The following SLC38A6 variants were observed in gnomAD, a reference collection of about 807,000 sequenced individuals.
SLC38A6 encodes the protein solute carrier family 38 member 6, also known as N system amino acid transporter NAT-1.
In SLC38A6, 73 loss-of-function variants were observed where a neutral mutation model predicts 65.0. That is an observed-to-expected ratio of 1.12 (90% CI 0.93 to 1.37). The LOEUF is 1.37. Among genes scored for constraint, SLC38A6 ranks in the 40% most tolerant of loss-of-function variants. SLC38A6 has a pLI of 0.00. For missense variants in SLC38A6, 561 were observed against 531.1 expected (o/e 1.06, Z -0.55); for synonymous variants, 183 against 178.8 (o/e 1.02, Z -0.19).
At chr14:60,992,917 G>C (rs1224474957) in intron 3 of SLC38A6, among the ~76,000 whole-genome samples, 1 of 148,826 alleles carries the variant, frequency 6.7e-6, no homozygotes, top group Non-Finnish European at 1.5e-5. Context: ...GTGGATCTTT[G>C]CTCGCTGCAA....
rs575556753 is a variant in SLC38A6 at position 61,029,495 on chromosome 14, ATCT to A, written c.404-948_404-946del. Among the ~76,000 whole-genome samples the A allele has an allele frequency of 1.6e-3, 244 of 152,304 alleles. 1 individual carries two copies. Among genetic ancestry groups the A allele is most frequent in the Non-Finnish European group, 2.9e-3 (197 of 68,004 alleles). On this transcript the variant is annotated intron_variant, in intron 5 of 15. Coordinates refer to ENST00000267488, the MANE Select transcript of SLC38A6 (RefSeq NM_153811.3). ...AACATAATCTCTGGGAGGAAAGAGA[ATCT>A]TACTCTGTTAAATTGAAGTTCTGAC...
intron 3 of SLC38A6, among the ~76,000 whole-genome samples, chr14:61,015,150 C>A (rs770362672): frequency 1.3e-5 from 2 of 152,164 alleles, no homozygotes; most frequent in African/African-American, 4.8e-5. Context: ...TAGCAATGAG[C>A]GAGGCTCCGT....
intron 15 of SLC38A6, among the ~76,000 whole-genome samples, chr14:61,074,910 A>G (rs764843371): frequency 2.6e-5 from 4 of 151,908 alleles, no homozygotes; most frequent in Non-Finnish European, 5.9e-5. Context: ...GTGAATTCTT[A>G]TACAGTGGCA....
chr14:60,999,875 C>T (rs1376180409), intron 3 of SLC38A6, among the ~76,000 whole-genome samples: 6 of 152,132 alleles, frequency 3.9e-5, no homozygotes, highest in East Asian at 3.9e-4. Flanking sequence ...ATTTAGACAT[C>T]GTGAAACTGG....
At chr14:60,993,073 C>T (rs1204519388) in intron 3 of SLC38A6, among the ~76,000 whole-genome samples, 2 of 152,118 alleles carry the variant, frequency 1.3e-5, no homozygotes, top group Non-Finnish European at 2.9e-5. Flanking sequence ...GTATAGAACT[C>T]CTGACTTCAG....
At chr14:60,999,389 G>A (rs1184545201) in intron 3 of SLC38A6, among the ~76,000 whole-genome samples, 2 of 152,264 alleles carry the variant, frequency 1.3e-5, no homozygotes, top group South Asian at 4.1e-4. Context: ...AATGGCCTTT[G>A]TGTGCTCCTC....
At chr14:61,008,999 A>G (rs2039352642) in intron 3 of SLC38A6, among the ~76,000 whole-genome samples, 1 of 152,200 alleles carries the variant, frequency 6.6e-6, no homozygotes, top group African/African-American at 2.4e-5. Flanking sequence ...GGTAGTTGTT[A>G]GACAACCATG....
In SLC38A6 at chr14:61,037,640, C is replaced by T. The variant is rs1473450300; in HGVS notation, c.581C>T (p.Thr194Ile). The T allele has an allele frequency of 8.2e-6, 13 of 1,593,662 alleles. No individual in the cohort carries two copies. The highest frequency in any genetic ancestry group is 1.1e-5 in the Non-Finnish European group (13 of 1,167,304). ...TATTTTACAGGCTTTCTTGGCTACA[C>T]AAGTAGTTTATCATTTTTCTTTATG... ...LLPKIGFLGYTSSLSFFFMMF... is the reference protein window; with the variant it reads ...LLPKIGFLGYISSLSFFFMMF... Residue 194 changes from threonine to isoleucine, a missense_variant, in exon 8 of 16, where the codon ACA (threonine) becomes ATA (isoleucine). Thr to Ile is a moderately conservative substitution (Grantham distance 89). Coordinates refer to ENST00000267488, the MANE Select transcript of SLC38A6 (RefSeq NM_153811.3).
Position 60,981,315 on chromosome 14 carries a change from G to T in SLC38A6, c.38G>T (p.Gly13Val). 1 of 1,610,706 alleles carries T rather than the reference G, an allele frequency of 6.2e-7. No homozygotes were observed. The stretch of plus-strand genomic sequence containing the variant: ...TGGGGGAGCTTCAACGCTGAGCGGG[G>T]CTGGTATGTCTCTGTCCAGCAGCCT... Reference protein sequence around the residue: ...ASWGSFNAERGWYVSVQQPEE... With the variant: ...ASWGSFNAERVWYVSVQQPEE... Residue 13 changes from glycine (G) to valine (V), a missense_variant, in exon 1 of 16, where the codon GGC (glycine) becomes GTC (valine). Gly to Val is a moderately radical substitution (Grantham distance 109). Transcript: ENST00000267488.
intron 15 of SLC38A6, among the ~76,000 whole-genome samples, chr14:61,060,999 A>C (rs866698336): frequency 1.9e-3 from 288 of 151,602 alleles, no homozygotes; most frequent in African/African-American, 6.6e-3. Context: ...GTGCGCGCAC[A>C]CACTGGCCTG....
chr14:61,044,735 C>A (rs2042030137), intron 10 of SLC38A6, among the ~76,000 whole-genome samples: 1 of 152,012 alleles, frequency 6.6e-6, no homozygotes, highest in Non-Finnish European at 1.5e-5. Context: ...ATAATAAAAA[C>A]AAAACAAAAC....
intron 15 of SLC38A6, among the ~76,000 whole-genome samples, chr14:61,071,712 A>T (rs956585824): frequency 2.0e-5 from 3 of 151,818 alleles, no homozygotes; most frequent in African/African-American, 7.3e-5. Context: ...AAGAAGATAT[A>T]CTGATTTATA....
At chr14:61,033,493 AG>A (rs2041143123) in intron 6 of SLC38A6, among the ~76,000 whole-genome samples, 1 of 152,108 alleles carries the variant, frequency 6.6e-6, no homozygotes, top group Non-Finnish European at 1.5e-5. Context: ...GAGTTCTGTT[AG>A]ATCGTTCTTT....
chr14:61,081,727 G>A (rs924486682), intron 16 of SLC38A6, among the ~76,000 whole-genome samples: 1 of 152,134 alleles, frequency 6.6e-6, no homozygotes. Context: ...TTTTGTTACT[G>A]AGTACTTAAT....
intron 3 of SLC38A6, among the ~76,000 whole-genome samples, chr14:60,991,683 T>C (rs2037901038): frequency 6.6e-6 from 1 of 152,210 alleles, no homozygotes; most frequent in African/African-American, 2.4e-5. Flanking sequence ...CCTTCAAGGC[T>C]TTGACAAATC....
intron 13 of SLC38A6, among the ~76,000 whole-genome samples, chr14:61,050,890 T>C (rs1177943865): frequency 6.6e-6 from 1 of 152,208 alleles, no homozygotes; most frequent in Non-Finnish European, 1.5e-5. Flanking sequence ...TGTTTCCAAT[T>C]TAGAAACTAT....
chr14:61,015,715 C>T (rs2039962247), intron 3 of SLC38A6, among the ~76,000 whole-genome samples, 189 bp from the exon 4 acceptor site: 1 of 152,162 alleles, frequency 6.6e-6, no homozygotes, highest in Non-Finnish European at 1.5e-5. Flanking sequence ...TTAAAGCCAA[C>T]CATCCTTTTT....
intron 15 of SLC38A6, among the ~76,000 whole-genome samples, chr14:61,070,133 C>T (rs189946794): frequency 6.6e-6 from 1 of 152,330 alleles, no homozygotes; most frequent in East Asian, 1.9e-4. Context: ...ATTATATGCA[C>T]ATTGTATAGT....
At chr14:61,015,822 G>T in intron 3 of SLC38A6, 82 bp from the exon 4 acceptor site, 1 of 1,054,338 alleles carries the variant, frequency 9.5e-7, no homozygotes, top group Non-Finnish European at 1.4e-6. Flanking sequence ...TATTTAGTTT[G>T]TAGTAGGACC....
Sources: allele counts gnomAD v4.1 joint callset (sites outside exome capture counted in the v4.1 genomes callset), GRCh38; gene constraint gnomAD v4.1.1; transcripts MANE v1.5; gene names NCBI Gene and HGNC (gene_info 2026-07-23, HGNC 2026-07-21).